NPEPL1: variants seen among roughly 807,000 people sequenced by gnomAD.
The protein encoded by NPEPL1 is probable aminopeptidase NPEPL1.
In NPEPL1, 45 loss-of-function variants were observed where a neutral mutation model predicts 52.4. The ratio of observed to expected loss-of-function variants is 0.86; its 90% CI spans 0.68 to 1.10. The LOEUF is 1.10. Among genes scored for constraint, NPEPL1 ranks in the 50% least tolerant of loss-of-function variants. The pLI, the probability that NPEPL1 is intolerant of heterozygous loss-of-function variation, is 0.00. For missense variants in NPEPL1, 696 were observed against 710.9 expected (o/e 0.98, Z 0.24); for synonymous variants, 360 against 314.7 (o/e 1.14, Z -1.52).
At chr20:58,707,033 G>T (rs1282503256) in intron 6 of NPEPL1, 90 bp from the exon 7 acceptor site, 11 of 1,320,794 alleles carry the variant, frequency 8.3e-6, no homozygotes, top group Non-Finnish European at 9.6e-6. Flanking sequence ...GGTGGGGCTA[G>T]CGTGGGGCCG....
chr20:58,707,934 T>C (rs2084768739), intron 7 of NPEPL1, among the ~76,000 whole-genome samples: 2 of 152,094 alleles, frequency 1.3e-5, no homozygotes, highest in African/African-American at 4.8e-5. Flanking sequence ...ATTTAAAAAC[T>C]AGCCAGGCGT....
At chr20:58,715,103 C>T in intron 11 of NPEPL1, 65 bp from the exon 12 acceptor site, 1 of 1,502,556 alleles carries the variant, frequency 6.7e-7, no homozygotes. Flanking sequence ...GGTGAGGGGT[C>T]CCCAGGAACC....
chr20:58,707,998 C>T (rs1055835259), intron 7 of NPEPL1, among the ~76,000 whole-genome samples: 1 of 152,132 alleles, frequency 6.6e-6, no homozygotes, highest in Admixed American at 6.5e-5. Context: ...GGCGGAGGAT[C>T]GATTGAGCCC....
chr20:58,693,160 C>A, intron 1 of NPEPL1, 110 bp downstream of exon 1: 1 of 778,086 alleles, frequency 1.3e-6, no homozygotes, highest in Non-Finnish European at 1.6e-6. Context: ...CGGGCCGGGC[C>A]CAACGAGGCC....
chr20:58,711,184 T>G (rs914194000), intron 7 of NPEPL1: 1 of 145,974 alleles, frequency 6.9e-6, no homozygotes, highest in Admixed American at 6.7e-5. Flanking sequence ...CTAGGAGGAC[T>G]TCAGGGCTCC....
In NPEPL1 at chr20:58,715,649, T is replaced by C. The variant is rs12220; in HGVS notation, c.*323T>C. On this transcript the variant is annotated 3_prime_UTR_variant, in exon 12 of 12. Transcript: ENST00000356091. ...GGTGCCCTGTCCCAGCCCCAGGTCC[T>C]GTGCAGGGCACCTGCGTGGCTGACA... The C allele has an allele frequency of 0.61, 134,203 of 218,722 alleles. 42,183 individuals carry two copies. The highest frequency in any genetic ancestry group is 0.78 in the African/African-American group (33,531 of 42,936). The allele number at this position is 218,722 out of a possible 1,614,324, so 13.5% of individuals were successfully genotyped here. A position where few individuals can be genotyped will look rare whatever the true frequency, so the allele number is the denominator to read the frequency against.
chr20:58,690,605 T>C (rs958130745), upstream of NPEPL1, among the ~76,000 whole-genome samples: 5 of 152,338 alleles, frequency 3.3e-5, no homozygotes, highest in East Asian at 9.6e-4. Flanking sequence ...TTTCTTCAAT[T>C]CGGGGGTGGC....
Position 58,701,056 on chromosome 20 carries a change from C to T in NPEPL1, c.720C>T (p.Ala240=), listed in dbSNP as rs1415360323. 6.3e-7 allele frequency: 1 copy of T among 1,596,166 alleles called. No individual in the cohort carries two copies. Residue 240 remains alanine, a synonymous_variant, in exon 6 of 12, where the codon GCC becomes GCT. Transcript: ENST00000356091. ...GVGKAALHPP[A]LAVLSHTPDG... is the part of the protein sequence containing the mutation. ...GCAAAGCCGCCCTGCATCCCCCAGC[C>T]CTGGCCGTCCTCAGCCACACCCCAG...
At position 58,713,361 on chromosome 20, in the gene NPEPL1, G is replaced by T. The variant is rs914707541; in HGVS notation, c.1002-59G>T. On this transcript the variant is annotated intron_variant, in intron 8 of 11. Coordinates refer to ENST00000356091, the MANE Select transcript of NPEPL1 (RefSeq NM_024663.4). This position sits in a 1 kb window ranked among gnomAD's most constrained non-coding sequence, Gnocchi z 4.6. ...ATGGGGTCTCCCCAGTTTCAAAGGG[G>T]CTCATGCCAGTGTCCCAGGAAATCC... is the stretch of plus-strand genomic sequence containing the variant. 4.6e-6 allele frequency: 7 copies of T among 1,516,920 alleles called. No individual in the cohort carries two copies. The highest frequency in any genetic ancestry group is 4.1e-5 in the African/African-American group (3 of 72,832). The allele number at this position is 1,516,920 out of a possible 1,614,324, so 94.0% of individuals were successfully genotyped here.
intron 6 of NPEPL1, among the ~76,000 whole-genome samples, chr20:58,701,690 C>T (rs1029474698): frequency 1.5e-4 from 23 of 152,190 alleles, no homozygotes; most frequent in East Asian, 9.7e-4. Context: ...GGCAAGGGGA[C>T]GCCTGTGTCT....
At chr20:58,708,491 G>A (rs543801877) in intron 7 of NPEPL1, among the ~76,000 whole-genome samples, 1 of 152,350 alleles carries the variant, frequency 6.6e-6, no homozygotes, top group South Asian at 2.1e-4. Flanking sequence ...TGAGCACACA[G>A]CTGGGGCTGT....
In NPEPL1 at chr20:58,698,731, G is replaced by A; in HGVS notation, c.555G>A (p.Val185=). ...TDGVRLAARI[V]DTPCNEMNTD... ...GCGTGCGGCTAGCAGCCCGCATCGT[G>A]GACACACCCTGCAATGAGATGAACA... is the stretch of plus-strand genomic sequence containing the variant. Residue 185 remains valine, a synonymous_variant, in exon 4 of 12, where the codon GTG becomes GTA. Transcript: ENST00000356091. The A allele has an allele frequency of 6.2e-7, 1 of 1,613,004 alleles. No individual in the cohort carries two copies. Among genetic ancestry groups the A allele is most frequent in the South Asian group, 1.1e-5 (1 of 91,090 alleles).
upstream of NPEPL1, chr20:58,691,712 T>TTTTTTG: frequency 1.4e-6 from 1 of 692,990 alleles, no homozygotes; most frequent in Non-Finnish European, 2.3e-6. Flanking sequence ...TTTTTTTTTT[T>TTTTTTG]TTCATTTTTA....
intron 3 of NPEPL1, among the ~76,000 whole-genome samples, chr20:58,697,162 T>C (rs1442977420): frequency 1.3e-5 from 2 of 152,212 alleles, no homozygotes; most frequent in African/African-American, 2.4e-5. Context: ...GCCTGGCACA[T>C]GTGGACAGAA....
intron 7 of NPEPL1, chr20:58,711,278 G>C (rs1044272555): frequency 1.3e-5 from 2 of 151,826 alleles, no homozygotes; most frequent in Non-Finnish European, 2.9e-5. Context: ...GGGTCATGCT[G>C]TCATTTATTC....
chr20:58,701,134 TG>T lies in NPEPL1; in HGVS notation c.800del (p.Gly267GlufsTer14). 6.3e-7 allele frequency: 1 copy of T among 1,577,828 alleles called. No homozygotes were observed. The highest frequency in any genetic ancestry group is 8.6e-7 in the Non-Finnish European group (1 of 1,163,076). On this transcript the variant is annotated frameshift_variant, in exon 6 of 12. Coordinates refer to ENST00000356091, the MANE Select transcript of NPEPL1 (RefSeq NM_024663.4). LOFTEE classifies it high-confidence loss of function. The stretch of plus-strand genomic sequence containing the variant: ...TGGGCAAAGGCATCGTCTATGACAC[TG>T]GAGGCCTCAGCATCAAAGGGAAGGT... ...WVGKGIVYDT[G>X]GLSIKGKTTM...
In NPEPL1 at chr20:58,692,864, CGGGCCGGGCA is replaced by C. The variant is rs1160283746; in HGVS notation, c.-28_-19del. 5.0e-6 allele frequency: 5 copies of C among 999,898 alleles called. No homozygotes were observed. Among genetic ancestry groups the C allele is most frequent in the Non-Finnish European group, 6.0e-6 (5 of 839,308 alleles). The allele number at this position is 999,898 out of a possible 1,614,324, so 61.9% of individuals were successfully genotyped here. On this transcript the variant is annotated 5_prime_UTR_variant, in exon 1 of 12. Transcript: ENST00000356091. This position sits in a 1 kb window ranked among gnomAD's most constrained non-coding sequence, Gnocchi z 5.7. ...AAGGGGGCCGAGCGGCGGGCCGGGC[CGGGCCGGGCA>C]GGGCCGGGGCGTGGGCCGGCAGGAA...
upstream of NPEPL1, chr20:58,691,688 CTTTTCT>C (rs2084347716): frequency 1.1e-5 from 8 of 697,100 alleles, no homozygotes; most frequent in South Asian, 1.1e-4. Context: ...TTCTTTTTTT[CTTTTCT>C]TTTTTTTTTT....
chr20:58,705,295 A>G (rs948679244), intron 6 of NPEPL1, among the ~76,000 whole-genome samples: 32 of 152,144 alleles, frequency 2.1e-4, no homozygotes, highest in Non-Finnish European at 1.3e-4. Context: ...AGAGTGGCTC[A>G]TGGAGCTCAG....
Sources: allele counts gnomAD v4.1 joint callset (sites outside exome capture counted in the v4.1 genomes callset), GRCh38; gene constraint gnomAD v4.1.1; non-coding constraint Gnocchi (gnomAD v3.1); transcripts MANE v1.5; gene names NCBI Gene and HGNC (gene_info 2026-07-23, HGNC 2026-07-21).